Variants in CFAP299 observed in about 807,000 individuals in gnomAD.
The protein encoded by CFAP299 is cilia- and flagella-associated protein 299.
A neutral mutation model predicts 27.0 loss-of-function variants in CFAP299; 21 were observed. The observed-to-expected ratio is 0.78, with a 90% CI of 0.55 to 1.12. CFAP299 has a LOEUF of 1.12. CFAP299 is among the 50% of genes most tolerant of loss of function. The probability of loss-of-function intolerance (pLI) is 0.00; values close to 1 mark genes in which losing one functional copy is unlikely to be tolerated. For missense variants in CFAP299, 310 were observed against 276.6 expected, an observed-to-expected ratio of 1.12 and a Z score of -0.86; for synonymous variants, 104 against 98.1, an observed-to-expected ratio of 1.06 and a Z score of -0.36.
At chr4:80,894,504 C>T (rs754633534) in intron 4 of CFAP299, among the ~76,000 whole-genome samples, 1 of 151,920 alleles carries the variant, frequency 6.6e-6, no homozygotes, top group African/African-American at 2.4e-5. Context: ...CAGCTTAGCC[C>T]AGAGTAGGTA....
chr4:80,673,712 A>G (rs1257714940), intron 3 of CFAP299, among the ~76,000 whole-genome samples: 2 of 152,168 alleles, frequency 1.3e-5, no homozygotes, highest in African/African-American at 4.8e-5. Context: ...TATTGGGTGC[A>G]TATATGTTTA....
intron 3 of CFAP299, among the ~76,000 whole-genome samples, chr4:80,799,428 AATAT>A (rs1288897810): frequency 3.2e-5 from 3 of 92,696 alleles, no homozygotes; most frequent in South Asian, 3.4e-4. Flanking sequence ...TAATATTTAT[AATAT>A]ATATAATATT....
chr4:80,452,527 G>T (rs558397547), intron 2 of CFAP299, among the ~76,000 whole-genome samples: 1 of 152,116 alleles, frequency 6.6e-6, no homozygotes, highest in East Asian at 1.9e-4. Flanking sequence ...TGCTATTTGG[G>T]TAAAGACTTA....
intron 3 of CFAP299, among the ~76,000 whole-genome samples, chr4:80,726,044 T>G (rs1333759215): frequency 6.6e-6 from 1 of 152,230 alleles, no homozygotes; most frequent in Non-Finnish European, 1.5e-5. Flanking sequence ...TCTGCTCTAT[T>G]AATTAGTGGT....
Position 80,800,457 on chromosome 4 carries a change from TA to T in CFAP299, c.334-69534del, listed in dbSNP as rs1560419002. Among the ~76,000 whole-genome samples, 126 of 12,934 alleles carry T rather than the reference TA, an allele frequency of 9.7e-3. 10 individuals carry two copies. The highest frequency in any genetic ancestry group is 0.016 in the Non-Finnish European group (93 of 5,932). The allele number at this position is 12,934 out of a possible 152,430, so 8.5% of individuals were successfully genotyped here. A position where few individuals can be genotyped will look rare whatever the true frequency, so the allele number is the denominator to read the frequency against. On this transcript the variant is annotated intron_variant, in intron 3 of 5. Coordinates refer to ENST00000358105, the MANE Select transcript of CFAP299 (RefSeq NM_152770.3). ...TATATAATATATTGATATATTAATA[TA>T]ATATATAATATATAATATATTATAT...
chr4:80,431,079 A>C (rs1369519659), intron 2 of CFAP299, among the ~76,000 whole-genome samples: 1 of 152,092 alleles, frequency 6.6e-6, no homozygotes, highest in South Asian at 2.1e-4. Context: ...TTCCTTATCT[A>C]TATTCCCTGT....
chr4:80,893,323 C>T (rs1734439271), intron 4 of CFAP299, among the ~76,000 whole-genome samples: 1 of 151,674 alleles, frequency 6.6e-6, no homozygotes, highest in South Asian at 2.1e-4. Context: ...TCTACAGAAT[C>T]ATTGCAATAT....
chr4:80,653,466 C>G (rs1348789241), intron 3 of CFAP299, among the ~76,000 whole-genome samples: 1 of 152,130 alleles, frequency 6.6e-6, no homozygotes, highest in African/African-American at 2.4e-5. Context: ...AATATGCTTT[C>G]TACCCAAGGT....
At chr4:80,366,467 AAAT>A (rs1723839951) in intron 2 of CFAP299, among the ~76,000 whole-genome samples, 1 of 152,218 alleles carries the variant, frequency 6.6e-6, no homozygotes, top group Non-Finnish European at 1.5e-5. Flanking sequence ...AATGCTAAAA[AAAT>A]ATTTTGGGCT....
chr4:80,608,605 A>T (rs760677628), intron 3 of CFAP299, among the ~76,000 whole-genome samples: 7 of 152,150 alleles, frequency 4.6e-5, no homozygotes, highest in Non-Finnish European at 8.8e-5. Context: ...AAAAAAGCGC[A>T]TTGTAGATTT....
intron 3 of CFAP299, among the ~76,000 whole-genome samples, chr4:80,856,456 T>A (rs1272649329): frequency 2.6e-5 from 4 of 152,040 alleles, no homozygotes; most frequent in African/African-American, 9.7e-5. Flanking sequence ...GCTTTTGGTA[T>A]TTTAGACATG....
chr4:80,525,384 G>A (rs1420729626), intron 2 of CFAP299, among the ~76,000 whole-genome samples: 1 of 152,158 alleles, frequency 6.6e-6, no homozygotes, highest in East Asian at 1.9e-4. Flanking sequence ...GCTTCTGTCT[G>A]TTACCTCCTC....
intron 3 of CFAP299, among the ~76,000 whole-genome samples, chr4:80,800,570 TAATATAAATATATA>T (rs1728486564): frequency 5.2e-5 from 3 of 58,202 alleles, no homozygotes; most frequent in African/African-American, 2.5e-4. Context: ...TATAATATAT[TAATATAAATATATA>T]ATATATAATA....
chr4:80,641,237 C>G (rs538955172), intron 3 of CFAP299, among the ~76,000 whole-genome samples: 1 of 152,242 alleles, frequency 6.6e-6, no homozygotes, highest in Non-Finnish European at 1.5e-5. Context: ...CAGAGTCTTG[C>G]TGTGTCACCC....
chr4:80,335,924 G>A, intron 1 of CFAP299, 45 bp downstream of exon 1: 3 of 1,244,698 alleles, frequency 2.4e-6, no homozygotes, highest in Non-Finnish European at 3.5e-6. Flanking sequence ...CGCGTCCCTC[G>A]GTCCCTCCTC....
rs537663004 is a variant in CFAP299, at chr4:80,764,143, A to G, written c.334-105850A>G. Among the ~76,000 whole-genome samples, 19 of 152,320 alleles carry G rather than the reference A, an allele frequency of 1.2e-4. No individual in the cohort carries two copies. In the South Asian group the frequency reaches 3.7e-3, roughly 30 times the overall value. On this transcript the variant is annotated intron_variant, in intron 3 of 5. Transcript: ENST00000358105. Reference sequence around the variant, plus strand: ...AAAGAGCTTCTACACAGCAAAAGAAACTATCATCAGAGTGAACAGGCAACC... The same window carrying G: ...AAAGAGCTTCTACACAGCAAAAGAAGCTATCATCAGAGTGAACAGGCAACC...
At chr4:80,352,424 G>A (rs892518514) in intron 1 of CFAP299, among the ~76,000 whole-genome samples, 10 of 151,918 alleles carry the variant, frequency 6.6e-5, no homozygotes, top group African/African-American at 1.5e-4. Flanking sequence ...GAAATTATGC[G>A]GGGACAGTGG....
intron 3 of CFAP299, among the ~76,000 whole-genome samples, chr4:80,769,933 C>T (rs79432520): frequency 0.011 from 1,716 of 152,268 alleles, 34 homozygotes; most frequent in African/African-American, 0.038. Context: ...TTTGTTAGGC[C>T]TGGGAATTAA....
intron 3 of CFAP299, among the ~76,000 whole-genome samples, chr4:80,757,001 A>T (rs1725273645): frequency 6.6e-6 from 1 of 152,212 alleles, no homozygotes; most frequent in Non-Finnish European, 1.5e-5. Context: ...TACTTCCCCA[A>T]GAATGTGAAC....
Sources: gnomAD v4.1 joint callset for allele counts (sites outside exome capture counted in the v4.1 genomes callset) on GRCh38, gnomAD v4.1.1 for gene constraint, MANE v1.5 for transcripts, NCBI Gene and HGNC (gene_info 2026-07-23, HGNC 2026-07-21) for gene names.